Variants in LOC128706666 observed in about 807,000 individuals in gnomAD.
chr20:10,432,789 C>CAAAAAAAAAAAAAAAAAAAAAAAAA, the LOC128706666 span, among the ~76,000 whole-genome samples: 2 of 74,560 alleles, frequency 2.7e-5, 1 homozygote, highest in Non-Finnish European at 5.0e-5. Flanking sequence ...GACTCTTTGT[C>CAAAAAAAAAAAAAAAAAAAAAAAAA]AAAAAAAAAA....
the LOC128706666 span, among the ~76,000 whole-genome samples, chr20:10,414,173 T>C: frequency 6.6e-6 from 1 of 152,004 alleles, no homozygotes; most frequent in Non-Finnish European, 1.5e-5. Context: ...CACAACAACA[T>C]GGCTAGAAAG....
chr20:10,414,745 G>A, the LOC128706666 span, among the ~76,000 whole-genome samples: 1 of 152,184 alleles, frequency 6.6e-6, no homozygotes, highest in Admixed American at 6.5e-5. Context: ...CATGTCTACT[G>A]CAGGAACTCA....
the LOC128706666 span, among the ~76,000 whole-genome samples, chr20:10,431,186 T>TC: frequency 6.6e-6 from 1 of 152,178 alleles, no homozygotes; most frequent in Non-Finnish European, 1.5e-5. Context: ...CCCTGGAGGT[T>TC]CCTGCTTGAT....
At chr20:10,433,052 G>C in the LOC128706666 span, among the ~76,000 whole-genome samples, 1 of 152,202 alleles carries the variant, frequency 6.6e-6, no homozygotes, top group Non-Finnish European at 1.5e-5. Context: ...CGCCCAACCT[G>C]GAGTGCAGTG....
the LOC128706666 span, among the ~76,000 whole-genome samples, chr20:10,423,527 A>C: frequency 3.9e-5 from 6 of 152,332 alleles, no homozygotes; most frequent in African/African-American, 1.4e-4. Flanking sequence ...ATTAAATGAC[A>C]ATCTGTAACA....
chr20:10,433,401 G>C, the LOC128706666 span, among the ~76,000 whole-genome samples: 3,600 of 152,326 alleles, frequency 0.024, 68 homozygotes, highest in Non-Finnish European at 0.041. Context: ...AGAACATGGA[G>C]TCAGGACCGT....
chr20:10,423,033 G>A, the LOC128706666 span, among the ~76,000 whole-genome samples: 5 of 151,964 alleles, frequency 3.3e-5, no homozygotes. Context: ...TTACTTTTAA[G>A]AGCCATTTCT....
At chr20:10,417,535 C>T in the LOC128706666 span, among the ~76,000 whole-genome samples, 1 of 152,232 alleles carries the variant, frequency 6.6e-6, no homozygotes, top group Admixed American at 6.5e-5. Context: ...GGCCTGTGCC[C>T]AAGAGTTTGA....
the LOC128706666 span, among the ~76,000 whole-genome samples, chr20:10,433,799 C>T: frequency 1.3e-5 from 2 of 152,144 alleles, no homozygotes; most frequent in Non-Finnish European, 2.9e-5. Context: ...ACAGGTTCGG[C>T]GTAGAAGGCG....
chr20:10,427,021 A>ACACACACACAC, the LOC128706666 span, among the ~76,000 whole-genome samples: 1 of 114,724 alleles, frequency 8.7e-6, no homozygotes, highest in Non-Finnish European at 1.9e-5. Flanking sequence ...CCAAGAAAAG[A>ACACACACACAC]AAACACTGAC....
chr20:10,417,268 A>G, the LOC128706666 span, among the ~76,000 whole-genome samples: 5 of 151,598 alleles, frequency 3.3e-5, no homozygotes, highest in Non-Finnish European at 7.4e-5. Flanking sequence ...AAAAAAAATC[A>G]AAGGGGAACT....
chr20:10,416,174 T>C, the LOC128706666 span, among the ~76,000 whole-genome samples: 1 of 152,150 alleles, frequency 6.6e-6, no homozygotes, highest in African/African-American at 2.4e-5. Context: ...GTTGCAGTGA[T>C]GGATAACTTA....
the LOC128706666 span, among the ~76,000 whole-genome samples, chr20:10,433,596 T>C: frequency 6.6e-6 from 1 of 152,078 alleles, no homozygotes; most frequent in Non-Finnish European, 1.5e-5. Context: ...CCTTAGAGGG[T>C]CATCCCTACA....
chr20:10,420,300 A>G, the LOC128706666 span, among the ~76,000 whole-genome samples: 1 of 151,984 alleles, frequency 6.6e-6, no homozygotes, highest in East Asian at 1.9e-4. Flanking sequence ...TGCTAGCAAA[A>G]CTGCTCTTTC....
chr20:10,433,836 C>T, the LOC128706666 span, among the ~76,000 whole-genome samples: 9,226 of 152,164 alleles, frequency 0.061, 404 homozygotes, highest in African/African-American at 0.11. Context: ...CGTGGTGAGG[C>T]GCCACTCCTC....
At chr20:10,431,121 A>T in the LOC128706666 span, among the ~76,000 whole-genome samples, 12 of 152,176 alleles carry the variant, frequency 7.9e-5, no homozygotes, top group Non-Finnish European at 1.6e-4. Context: ...CACGGCAGCC[A>T]TTACTTTTAT....
the LOC128706666 span, among the ~76,000 whole-genome samples, chr20:10,421,590 T>C: frequency 6.6e-6 from 1 of 152,140 alleles, no homozygotes; most frequent in Admixed American, 6.6e-5. Flanking sequence ...AAAAGATTTC[T>C]GGCTTGAACG....
At chr20:10,413,889 T>A in the LOC128706666 span, 1 of 422,730 alleles carries the variant, frequency 2.4e-6, no homozygotes, top group African/African-American at 2.0e-5. Context: ...ATTTTTCATC[T>A]CTTCTTTCGA....
the LOC128706666 span, among the ~76,000 whole-genome samples, chr20:10,418,844 A>T: frequency 1.3e-5 from 2 of 152,124 alleles, no homozygotes; most frequent in African/African-American, 4.8e-5. Flanking sequence ...AAGACTATAT[A>T]TATAAAAATC....
Sources: allele counts gnomAD v4.1 joint callset (sites outside exome capture counted in the v4.1 genomes callset), GRCh38; gene constraint gnomAD v4.1.1; transcripts MANE v1.5.